Variants in ACVR1 observed in about 807,000 individuals in gnomAD.
ACVR1 encodes the protein activin receptor type-1.
A neutral mutation model predicts 57.1 loss-of-function variants in ACVR1; 38 were observed. The observed-to-expected ratio is 0.67, with a 90% CI of 0.51 to 0.87. The LOEUF is 0.87. Ranked by LOEUF, ACVR1 falls within the 40% of genes least tolerant of loss-of-function variation. The probability of loss-of-function intolerance (pLI) is 0.00; values close to 1 mark genes in which losing one functional copy is unlikely to be tolerated. For missense variants in ACVR1, 463 were observed against 638.2 expected, an observed-to-expected ratio of 0.73 and a Z score of 2.96; for synonymous variants, 212 against 228.1, an observed-to-expected ratio of 0.93 and a Z score of 0.63.
chr2:157,806,848 A>G (rs566991231), intron 2 of ACVR1: 1 of 152,352 alleles, frequency 6.6e-6, no homozygotes, highest in East Asian at 1.9e-4. Context: ...GCTTGGTTTT[A>G]TATAGACTTC....
chr2:157,795,050 T>A (rs1687052108), intron 3 of ACVR1, among the ~76,000 whole-genome samples: 1 of 152,076 alleles, frequency 6.6e-6, no homozygotes, highest in South Asian at 2.1e-4. Flanking sequence ...AAAATCTCTA[T>A]GACTCTCTTA....
At chr2:157,834,727 T>C (rs954663847) in intron 1 of ACVR1, among the ~76,000 whole-genome samples, 1 of 152,180 alleles carries the variant, frequency 6.6e-6, no homozygotes, top group African/African-American at 2.4e-5. Context: ...GTCTAAATGT[T>C]TGTATCCTCT....
intron 1 of ACVR1, among the ~76,000 whole-genome samples, chr2:157,828,758 G>GT (rs61705462): frequency 0.014 from 2,115 of 147,632 alleles, 57 homozygotes; most frequent in African/African-American, 0.052. Context: ...TTAGTTTTTT[G>GT]TTTTTTTGTT....
intron 1 of ACVR1, among the ~76,000 whole-genome samples, chr2:157,819,065 G>A (rs1220929347): frequency 9.0e-5 from 10 of 111,000 alleles, no homozygotes; most frequent in African/African-American, 3.0e-4. Flanking sequence ...GTGACAGAGC[G>A]AGACTCCGTC....
intron 3 of ACVR1, among the ~76,000 whole-genome samples, chr2:157,781,929 A>C (rs2033962): frequency 0.81 from 122,843 of 152,068 alleles, 49,785 homozygotes; most frequent in East Asian, 0.93. Flanking sequence ...TTCAGCTTTC[A>C]GAGCTCCCTC....
chr2:157,751,093 C>T (rs1685175579), intron 9 of ACVR1, among the ~76,000 whole-genome samples: 1 of 152,218 alleles, frequency 6.6e-6, no homozygotes, highest in Admixed American at 6.5e-5. Flanking sequence ...ACTGCTCCTG[C>T]AGGACCTGGG....
chr2:157,779,172 ATCT>A (rs1025300501), intron 4 of ACVR1, among the ~76,000 whole-genome samples: 3 of 151,874 alleles, frequency 2.0e-5, no homozygotes, highest in African/African-American at 4.9e-5. Context: ...AAAAAAAAAA[ATCT>A]TCTATTAAAA....
At chr2:157,801,644 T>C (rs1037036529) in intron 2 of ACVR1, among the ~76,000 whole-genome samples, 12 of 152,250 alleles carry the variant, frequency 7.9e-5, no homozygotes, top group Non-Finnish European at 1.8e-4. Flanking sequence ...CTTTCATTGA[T>C]GATAGTATGA....
rs769600810 is a variant in ACVR1, at chr2:157,737,679, G to A, written c.1396-14C>T. 6.2e-7 allele frequency: 1 copy of A among 1,614,058 alleles called. No homozygotes were observed. Among genetic ancestry groups the A allele is most frequent in the Non-Finnish European group, 8.5e-7 (1 of 1,179,958 alleles). ...AGAGGTTAATGTCTGAGGAGAGAAA[G>A]AACAAACACCACAATGACAAACTGG... On this transcript the variant is annotated splice_polypyrimidine_tract_variant and intron_variant, in intron 10 of 10. Coordinates refer to ENST00000434821, the MANE Select transcript of ACVR1 (RefSeq NM_001111067.4).
intron 1 of ACVR1, among the ~76,000 whole-genome samples, chr2:157,848,917 G>A (rs906314295): frequency 2.8e-4 from 42 of 152,146 alleles, no homozygotes; most frequent in Non-Finnish European, 5.0e-4. Flanking sequence ...ACAAAAATGA[G>A]TGTTGCTGTC....
Position 157,853,709 on chromosome 2 carries a change from T to C in ACVR1, c.-183+22087A>G, listed in dbSNP as rs193029984. On this transcript the variant is annotated intron_variant, in intron 1 of 10. Transcript: ENST00000434821. ...GAAGCAATAAGTAGTCTTCATGACA[T>C]AGCCATTACCCACCTCTCCAGCCTT... Among the ~76,000 whole-genome samples, 76 of 152,316 alleles carry C rather than the reference T, an allele frequency of 5.0e-4. 1 individual carries two copies. The East Asian group carries it at 0.014, about 29-fold the overall frequency.
At chr2:157,861,690 A>G (rs1689723763) in intron 1 of ACVR1, among the ~76,000 whole-genome samples, 1 of 152,210 alleles carries the variant, frequency 6.6e-6, no homozygotes, top group Non-Finnish European at 1.5e-5. Context: ...AGTTTAAACA[A>G]ATCTTTGTGA....
At chr2:157,773,323 C>CA (rs145675592) in intron 6 of ACVR1, among the ~76,000 whole-genome samples, 2,692 of 152,318 alleles carry the variant, frequency 0.018, 65 homozygotes, top group African/African-American at 0.059. Context: ...AAAACATTTA[C>CA]AAATTTTGAC....
chr2:157,845,296 A>G lies in ACVR1; in HGVS notation c.-182-26737T>C, dbSNP rs62175476. The stretch of plus-strand genomic sequence containing the variant: ...GGGAAAAGGGTCTTTGCAAATGTAA[A>G]TAACTTAAGAATCTTGAGATGAGAT... On this transcript the variant is annotated intron_variant, in intron 1 of 10. Transcript: ENST00000434821. Among the ~76,000 whole-genome samples, 191 of 152,198 alleles carry G rather than the reference A, an allele frequency of 1.3e-3. 1 individual carries two copies. Among genetic ancestry groups the G allele is most frequent in the Non-Finnish European group, 2.3e-3 (157 of 68,044 alleles).
rs1350589397 is a variant in ACVR1 at position 157,816,102 on chromosome 2, G to C, written c.-8+2283C>G. On this transcript the variant is annotated intron_variant, in intron 2 of 10. Transcript: ENST00000434821. ...AAGCCAAAAAGCAAGTTGTAAAATA[G>C]AATGTATGGTCATGTTCCACCAATT... Among the ~76,000 whole-genome samples the C allele has an allele frequency of 2.6e-5, 4 of 152,104 alleles. No homozygotes were observed. In the East Asian group the frequency reaches 7.7e-4, roughly 29 times the overall value.
chr2:157,737,081 C>A lies in ACVR1; in HGVS notation c.*450G>T. The A allele has an allele frequency of 3.4e-6, 1 of 292,932 alleles. No homozygotes were observed. Among genetic ancestry groups the A allele is most frequent in the South Asian group, 7.2e-5 (1 of 13,886 alleles). The allele number at this position is 292,932 out of a possible 1,614,324, so 18.1% of individuals were successfully genotyped here. A position where few individuals can be genotyped will look rare whatever the true frequency, so the allele number is the denominator to read the frequency against. ...GTCTTTAAAATTAAGAGTAACAGTG[C>A]AAGTAAGGAATGCAAAGAATTCCTA... On this transcript the variant is annotated 3_prime_UTR_variant, in exon 11 of 11. Coordinates refer to ENST00000434821, the MANE Select transcript of ACVR1 (RefSeq NM_001111067.4).
chr2:157,755,076 C>T (rs1427800012), intron 9 of ACVR1, among the ~76,000 whole-genome samples: 4 of 152,032 alleles, frequency 2.6e-5, no homozygotes, highest in Non-Finnish European at 5.9e-5. Context: ...ATGATTAAAA[C>T]CCTTAGCAAA....
In ACVR1 at chr2:157,736,619, G is replaced by A. The variant is rs1684541585; in HGVS notation, c.*912C>T. 3.2e-6 allele frequency: 1 copy of A among 310,178 alleles called. No homozygotes were observed. Among genetic ancestry groups the A allele is most frequent in the African/African-American group, 2.1e-5 (1 of 47,080 alleles). The allele number at this position is 310,178 out of a possible 1,614,324, so 19.2% of individuals were successfully genotyped here. A position where few individuals can be genotyped will look rare whatever the true frequency, so the allele number is the denominator to read the frequency against. ...GGACTAAAATTCTACTGAAATCTTT[G>A]CTTCTAAATCAGTAATATATTCGGT... On this transcript the variant is annotated 3_prime_UTR_variant, in exon 11 of 11. Coordinates refer to ENST00000434821, the MANE Select transcript of ACVR1 (RefSeq NM_001111067.4).
In ACVR1 at chr2:157,762,173, G is replaced by C. The variant is rs76104013; in HGVS notation, c.1067-1096C>G. On this transcript the variant is annotated intron_variant, in intron 8 of 10. Coordinates refer to ENST00000434821, the MANE Select transcript of ACVR1 (RefSeq NM_001111067.4). ...AACATTTCCCAAATCCTATGCAATA[G>C]TCCCCCCACTTATCCTTCAGTTACC... is the stretch of plus-strand genomic sequence containing the variant. 2.9e-3 allele frequency among the ~76,000 whole-genome samples: 440 copies of C among 152,262 alleles called. 2 individuals carry two copies. The highest frequency in any genetic ancestry group is 9.8e-3 in the African/African-American group (409 of 41,548).
Sources: allele counts gnomAD v4.1 joint callset (sites outside exome capture counted in the v4.1 genomes callset), GRCh38; gene constraint gnomAD v4.1.1; transcripts MANE v1.5; gene names NCBI Gene and HGNC (gene_info 2026-07-23, HGNC 2026-07-21).